Variants in MORC1 observed in about 807,000 individuals in gnomAD.
The protein encoded by MORC1 is MORC family CW-type zinc finger 1.
A neutral mutation model predicts 134.9 loss-of-function variants in MORC1; 59 were observed. The ratio of observed to expected loss-of-function variants is 0.44; its 90% CI spans 0.35 to 0.54. MORC1 has a LOEUF of 0.54. MORC1 is among the 20% of genes least tolerant of loss of function. The pLI is 0.00. For missense variants in MORC1, 947 were observed against 1,134.5 expected (o/e 0.83, Z 2.37); for synonymous variants, 395 against 391.7 (o/e 1.01, Z -0.10).
intron 27 of MORC1, among the ~76,000 whole-genome samples, chr3:108,960,305 G>A (rs1025611502): frequency 4.6e-5 from 7 of 152,112 alleles, no homozygotes; most frequent in Admixed American, 1.3e-4. Flanking sequence ...CCACTCAATG[G>A]GTGCCAAAAC....
At chr3:108,988,722 T>C (rs1947963578) in intron 21 of MORC1, among the ~76,000 whole-genome samples, 2 of 152,198 alleles carry the variant, frequency 1.3e-5, no homozygotes, top group Non-Finnish European at 2.9e-5. Context: ...TTGGTAACTT[T>C]CTTTTATGAT....
chr3:109,080,863 A>G (rs1037833280), intron 8 of MORC1, among the ~76,000 whole-genome samples: 1 of 152,202 alleles, frequency 6.6e-6, no homozygotes, highest in African/African-American at 2.4e-5. Context: ...AGTGAAAAAT[A>G]TATCAATGAA....
At chr3:109,043,485 G>A (rs1386382250) in intron 14 of MORC1, among the ~76,000 whole-genome samples, 1 of 151,998 alleles carries the variant, frequency 6.6e-6, no homozygotes, top group East Asian at 1.9e-4. Context: ...AGAGATGGAT[G>A]GTAGTGACAG....
chr3:109,025,391 T>C (rs1325907138), intron 17 of MORC1, among the ~76,000 whole-genome samples: 12 of 140,414 alleles, frequency 8.5e-5, no homozygotes, highest in Admixed American at 2.8e-4. Flanking sequence ...TTTTTTTTTT[T>C]TTTTTTTTTT....
chr3:109,049,406 G>C (rs1240898497), intron 14 of MORC1, among the ~76,000 whole-genome samples: 1 of 152,208 alleles, frequency 6.6e-6, no homozygotes. Flanking sequence ...ACTCAGTGGA[G>C]ATCACTGATA....
intron 8 of MORC1, among the ~76,000 whole-genome samples, chr3:109,078,864 G>A (rs1950472795): frequency 1.3e-5 from 2 of 151,874 alleles, no homozygotes; most frequent in Middle Eastern, 3.4e-3. Flanking sequence ...AAAACTCCAT[G>A]TCAACAAACT....
chr3:109,022,740 T>C (rs1048688982), intron 17 of MORC1, among the ~76,000 whole-genome samples: 2 of 152,212 alleles, frequency 1.3e-5, no homozygotes, highest in African/African-American at 4.8e-5. Flanking sequence ...ATATTCACCT[T>C]TCAGGAATTC....
intron 21 of MORC1, among the ~76,000 whole-genome samples, chr3:108,990,003 G>C (rs902115305): frequency 6.6e-6 from 1 of 152,086 alleles, no homozygotes; most frequent in Non-Finnish European, 1.5e-5. Flanking sequence ...TCTTGTGACA[G>C]TAAGTCTCAT....
At chr3:109,045,244 C>T (rs557631504) in intron 14 of MORC1, among the ~76,000 whole-genome samples, 5 of 152,244 alleles carry the variant, frequency 3.3e-5, no homozygotes, top group South Asian at 2.1e-4. Context: ...CTCCTGAGAT[C>T]GAAATTTCAT....
intron 14 of MORC1, among the ~76,000 whole-genome samples, chr3:109,053,748 T>G (rs2107666234): frequency 6.6e-6 from 1 of 152,276 alleles, no homozygotes; most frequent in South Asian, 2.1e-4. Flanking sequence ...GTAACAACCT[T>G]GTACATGTAC....
intron 27 of MORC1, among the ~76,000 whole-genome samples, chr3:108,960,434 T>C (rs1474365698): frequency 1.3e-5 from 2 of 152,170 alleles, no homozygotes; most frequent in Admixed American, 1.3e-4. Flanking sequence ...AAACATGGCT[T>C]TGCAAGTATG....
intron 24 of MORC1, among the ~76,000 whole-genome samples, chr3:108,977,361 CTAT>C (rs1414727629): frequency 1.3e-5 from 2 of 152,102 alleles, no homozygotes; most frequent in Admixed American, 6.6e-5. Flanking sequence ...AACCTGATAG[CTAT>C]TATTGTTATA....
In MORC1 at chr3:108,996,866, C is replaced by T. The variant is rs549753804; in HGVS notation, c.2187+3691G>A. ...TCTACTAAAAATAAAAAAAATTAGC[C>T]GGGCATGGTGGCGGGTGCCTGTAGT... On this transcript the variant is annotated intron_variant, in intron 21 of 27. Coordinates refer to ENST00000232603, the MANE Select transcript of MORC1 (RefSeq NM_014429.4). 7.9e-5 allele frequency among the ~76,000 whole-genome samples: 12 copies of T among 151,826 alleles called. No homozygotes were observed. In the South Asian group the frequency reaches 2.5e-3, roughly 32 times the overall value.
At chr3:109,013,125 C>A (rs1948735855) in intron 17 of MORC1, among the ~76,000 whole-genome samples, 1 of 151,990 alleles carries the variant, frequency 6.6e-6, no homozygotes. Flanking sequence ...ATAGTTGCTT[C>A]TTTTTTGTCA....
chr3:109,062,522 G>A (rs908936406), intron 10 of MORC1, among the ~76,000 whole-genome samples: 15 of 150,648 alleles, frequency 1.0e-4, no homozygotes, highest in Admixed American at 4.0e-4. Flanking sequence ...CCAGGTTCAC[G>A]CCATTCTCCT....
intron 23 of MORC1, among the ~76,000 whole-genome samples, chr3:108,982,821 C>A (rs745421817): frequency 1.3e-5 from 2 of 151,902 alleles, no homozygotes; most frequent in African/African-American, 4.8e-5. Flanking sequence ...GTCGTTAAGG[C>A]CCCTTTCCAG....
intron 15 of MORC1, among the ~76,000 whole-genome samples, 160 bp downstream of exon 15, chr3:109,035,180 T>G (rs1283858949): frequency 6.6e-6 from 1 of 152,190 alleles, no homozygotes; most frequent in African/African-American, 2.4e-5. Flanking sequence ...TTTCCCTGTA[T>G]TACAATTATT....
At chr3:109,098,215 C>G (rs985496049) in intron 6 of MORC1, among the ~76,000 whole-genome samples, 1 of 151,908 alleles carries the variant, frequency 6.6e-6, no homozygotes, top group African/African-American at 2.4e-5. Context: ...CCAGCTAGAA[C>G]TTGTTAATAT....
intron 14 of MORC1, among the ~76,000 whole-genome samples, chr3:109,042,717 T>C (rs1315981290): frequency 6.6e-6 from 1 of 152,224 alleles, no homozygotes; most frequent in Non-Finnish European, 1.5e-5. Context: ...TCAGAACATG[T>C]GGTACCTATA....
Sources: allele counts gnomAD v4.1 joint callset (sites outside exome capture counted in the v4.1 genomes callset), GRCh38; gene constraint gnomAD v4.1.1; transcripts MANE v1.5; gene names NCBI Gene and HGNC (gene_info 2026-07-23, HGNC 2026-07-21).